The following USH2A variants were observed in gnomAD, a reference collection of about 807,000 sequenced individuals.
USH2A encodes the protein Usher syndrome 2A (autosomal recessive, mild).
Under a neutral mutation model 538.9 loss-of-function variants are expected in USH2A, and 443 were observed. That is an observed-to-expected ratio of 0.82 (90% confidence interval 0.76 to 0.89). USH2A has a LOEUF of 0.89. USH2A is among the 40% of genes least tolerant of loss of function. The pLI, the probability that USH2A is intolerant of heterozygous loss-of-function variation, is 0.00. For synonymous variants in USH2A, 2,413 were observed against 2,273.5 expected (o/e 1.06, Z -1.75); for missense variants, 6,633 against 6,324.8 (o/e 1.05, Z -1.65).
At chr1:215,841,219 A>G (rs1056779358) in intron 46 of USH2A, among the ~76,000 whole-genome samples, 6 of 152,232 alleles carry the variant, frequency 3.9e-5, no homozygotes, top group African/African-American at 1.4e-4. Context: ...GGAACCAAAA[A>G]AGAGCCTGTA....
intron 35 of USH2A, among the ~76,000 whole-genome samples, chr1:215,990,416 C>T (rs1456130563): frequency 6.6e-6 from 1 of 152,102 alleles, no homozygotes; most frequent in African/African-American, 2.4e-5. Flanking sequence ...GTAATTTCCA[C>T]AAGAAACATT....
intron 14 of USH2A, 148 bp from the exon 15 acceptor site, chr1:216,217,698 G>C (rs755547328): frequency 5.0e-5 from 46 of 919,754 alleles, no homozygotes; most frequent in Non-Finnish European, 6.8e-5. Context: ...AACAAACAAA[G>C]AATCAACATA....
intron 34 of USH2A, among the ~76,000 whole-genome samples, chr1:215,993,646 T>G (rs766536225): frequency 2.6e-5 from 4 of 152,240 alleles, no homozygotes; most frequent in Non-Finnish European, 4.4e-5. Flanking sequence ...TACAATTGCC[T>G]TTTATTTCTA....
rs754163361 is a variant in USH2A at position 216,324,228 on chromosome 1, C to T, written c.1268G>A (p.Gly423Glu). 4.3e-6 allele frequency: 7 copies of T among 1,613,304 alleles called. No individual in the cohort carries two copies. The Admixed American group carries it at 1.2e-4, about 27-fold the overall frequency. The change falls in exon 7 of 72, where the codon GGA (glycine) becomes GAA (glutamate). Residue 423 changes from glycine (G) to glutamate (E), a missense_variant. Physicochemically the swap from Gly to Glu is moderately conservative, Grantham distance 98 (BLOSUM62 -2). Transcript: ENST00000307340. ...TTCCAAATCTCCATTGTTTTTCATT[C>T]CAAAAGCACCACAATTCCTGGCAAA... ...QYFARNCGAF[G>E]MKNNGDLEKP...
intron 32 of USH2A, among the ~76,000 whole-genome samples, chr1:216,006,663 A>G (rs1015855429): frequency 2.0e-5 from 3 of 152,182 alleles, no homozygotes; most frequent in South Asian, 4.1e-4. Flanking sequence ...GACTCTCTTC[A>G]TTATATTGAT....
At chr1:216,262,401 G>A (rs2036391666) in intron 11 of USH2A, among the ~76,000 whole-genome samples, 1 of 151,900 alleles carries the variant, frequency 6.6e-6, no homozygotes, top group Non-Finnish European at 1.5e-5. Context: ...AGAAATATTG[G>A]AGCTGAGCAA....
At chr1:215,631,247 T>TGTGTGTGTGTGTGA (rs1423131979) in intron 70 of USH2A, among the ~76,000 whole-genome samples, 1 of 151,846 alleles carries the variant, frequency 6.6e-6, no homozygotes, top group African/African-American at 2.4e-5. Context: ...TGTGTGTGTG[T>TGTGTGTGTGTGTGA]GGGTGGGTGT....
chr1:216,355,883 A>G (rs1009290831), intron 4 of USH2A, among the ~76,000 whole-genome samples: 3 of 152,166 alleles, frequency 2.0e-5, no homozygotes, highest in Non-Finnish European at 4.4e-5. Context: ...ATCACAGTCA[A>G]TAAACTTAAT....
In USH2A at chr1:216,007,349, GAA is replaced by G. The variant is rs202113696; in HGVS notation, c.6326-6789_6326-6788del. Among the ~76,000 whole-genome samples the G allele has an allele frequency of 6.7e-5, 10 of 148,660 alleles. No homozygotes were observed. The East Asian group carries it at 1.4e-3, about 20-fold the overall frequency. ...ACAGAATGTGACTGGTCAGGAGGCA[GAA>G]AAAAAAACAAAAAAATCTTCTGGAC... On this transcript the variant is annotated intron_variant, in intron 32 of 71. Transcript: ENST00000307340.
chr1:216,311,557 T>C (rs1323016401), intron 9 of USH2A, among the ~76,000 whole-genome samples: 1 of 152,106 alleles, frequency 6.6e-6, no homozygotes, highest in Admixed American at 6.6e-5. Flanking sequence ...TGTATATTTG[T>C]TAATTTTTCT....
At chr1:216,368,800 G>T (rs993327922) in intron 3 of USH2A, among the ~76,000 whole-genome samples, 2 of 151,982 alleles carry the variant, frequency 1.3e-5, no homozygotes, top group African/African-American at 4.8e-5. Context: ...TAATATATGT[G>T]GTGTATAACG....
rs535491614 is a variant in USH2A, at chr1:216,207,475, A to C, written c.3158-44T>G. ...AGCATTTATTAGCAAAGCAATCAAT[A>C]AACAGAAAAGCAAACTGAAGTAAGA... On this transcript the variant is annotated intron_variant, in intron 15 of 71. Coordinates refer to ENST00000307340, the MANE Select transcript of USH2A (RefSeq NM_206933.4). 31 of 1,613,018 alleles carry C rather than the reference A, an allele frequency of 1.9e-5. No individual in the cohort carries two copies. The South Asian group carries it at 3.3e-4, about 17-fold the overall frequency.
In USH2A at chr1:215,867,908, G is replaced by A. The variant is rs188363580; in HGVS notation, c.8682-738C>T. On this transcript the variant is annotated intron_variant, in intron 43 of 71. Coordinates refer to ENST00000307340, the MANE Select transcript of USH2A (RefSeq NM_206933.4). ...TAAAGCCACCATTTTTTTTTAACCA[G>A]TTTTGGGCAGAAGACCATCAGGCTT... Among the ~76,000 whole-genome samples, 82 of 152,136 alleles carry A rather than the reference G, an allele frequency of 5.4e-4. 1 individual carries two copies. The highest frequency in any genetic ancestry group is 1.7e-3 in the African/African-American group (70 of 41,514).
chr1:215,953,296 C>T lies in USH2A; in HGVS notation c.7120+12021G>A, dbSNP rs373485302. Among the ~76,000 whole-genome samples, 689 of 152,230 alleles carry T rather than the reference C, an allele frequency of 4.5e-3. 10 individuals are homozygous for T. Among genetic ancestry groups the T allele is most frequent in the African/African-American group, 0.014 (601 of 41,518 alleles). On this transcript the variant is annotated intron_variant, in intron 37 of 71. Transcript: ENST00000307340. The stretch of plus-strand genomic sequence containing the variant: ...CAAAAGAACAAAGCTGGAGGCATCA[C>T]GCTACCTGACTTCAAACTAGACTAC...
intron 11 of USH2A, among the ~76,000 whole-genome samples, chr1:216,256,083 G>A (rs1037291305): frequency 1.3e-5 from 2 of 151,918 alleles, no homozygotes; most frequent in African/African-American, 4.8e-5. Flanking sequence ...GTGTTCACAA[G>A]ATTTATCTTT....
intron 58 of USH2A, among the ~76,000 whole-genome samples, chr1:215,754,570 C>T (rs1037898892): frequency 6.6e-6 from 1 of 151,992 alleles, no homozygotes; most frequent in Non-Finnish European, 1.5e-5. Flanking sequence ...TGGCTTTAGA[C>T]CATGAGTGTC....
Position 216,250,991 on chromosome 1 carries a change from G to A in USH2A, c.2079C>T (p.Pro693=), listed in dbSNP as rs2102551828. 20 of 1,614,056 alleles carry A rather than the reference G, an allele frequency of 1.2e-5. No homozygotes were observed. Among genetic ancestry groups the A allele is most frequent in the Non-Finnish European group, 1.7e-5 (20 of 1,179,992 alleles). The change falls in exon 12 of 72, where the codon CCC becomes CCT. Residue 693 remains proline (P), a synonymous_variant. Transcript: ENST00000307340. ...LQELDPDGCS[P]CNCNTSGTVD... ...CTGTCCCAGAGGTATTGCAGTTACAGGGACTGCAGCCATCAGGATCCAACT... is the reference window on the plus strand; with the variant it reads ...CTGTCCCAGAGGTATTGCAGTTACAAGGACTGCAGCCATCAGGATCCAACT...
At chr1:216,076,721 C>G (rs2031766496) in intron 27 of USH2A, among the ~76,000 whole-genome samples, 1 of 152,154 alleles carries the variant, frequency 6.6e-6, no homozygotes, top group Non-Finnish European at 1.5e-5. Context: ...CTCCTTACTA[C>G]TACCCTTCTA....
chr1:215,820,259 C>T (rs1222121703), intron 47 of USH2A, among the ~76,000 whole-genome samples: 1 of 150,342 alleles, frequency 6.7e-6, no homozygotes, highest in African/African-American at 2.4e-5. Flanking sequence ...TTTTCTCTCT[C>T]AAATGTTTGG....
Sources: gnomAD v4.1 joint callset for allele counts (sites outside exome capture counted in the v4.1 genomes callset) on GRCh38, gnomAD v4.1.1 for gene constraint, MANE v1.5 for transcripts, NCBI Gene and HGNC (gene_info 2026-07-23, HGNC 2026-07-21) for gene names.